PCDHGA4: variants seen among roughly 807,000 people sequenced by gnomAD.
The protein encoded by PCDHGA4 is protocadherin gamma subfamily A, 4, also known as protocadherin gamma-A4.
In PCDHGA4, 38 loss-of-function variants were observed where a neutral mutation model predicts 54.6. That is an observed-to-expected ratio of 0.70 (90% confidence interval 0.54 to 0.91). PCDHGA4 has a LOEUF of 0.91. PCDHGA4 is among the 40% of genes least tolerant of loss of function. PCDHGA4 has a pLI of 0.00. For missense variants in PCDHGA4, 1,298 were observed against 1,220.9 expected (o/e 1.06, Z -0.94); for synonymous variants, 511 against 512.9 (o/e 1.00, Z 0.05).
intron 1 of PCDHGA4, among the ~76,000 whole-genome samples, chr5:141,458,526 A>T (rs921943954): frequency 1.7e-4 from 26 of 151,492 alleles, no homozygotes; most frequent in African/African-American, 5.6e-4. Flanking sequence ...TTTTTTTTTA[A>T]CTTATCAACT....
At chr5:141,434,533 C>T (rs6862159) in intron 1 of PCDHGA4, among the ~76,000 whole-genome samples, 18,539 of 152,264 alleles carry the variant, frequency 0.12, 1,259 homozygotes, top group Non-Finnish European at 0.16. Flanking sequence ...AAACCACAAA[C>T]AATAGCATGA....
chr5:141,381,823 CTTCTTT>C (rs1777514301), intron 1 of PCDHGA4, among the ~76,000 whole-genome samples: 1 of 101,610 alleles, frequency 9.8e-6, no homozygotes, highest in African/African-American at 4.3e-5. Flanking sequence ...TTTCTTTCTT[CTTCTTT>C]TTTTTTTTTT....
chr5:141,357,498 T>G lies in PCDHGA4; in HGVS notation c.2391T>G (p.Ser797Arg). The G allele has an allele frequency of 6.2e-7, 1 of 1,614,020 alleles. No homozygotes were observed. The highest frequency in any genetic ancestry group is 1.1e-5 in the South Asian group (1 of 91,084). Reference protein sequence around the residue: ...EVSLTADSRKSHLIFSQPSYA... With the variant: ...EVSLTADSRKRHLIFSQPSYA... ...CCCTCACCGCGGACTCGCGGAAGAG[T>G]CACCTGATCTTCTCCCAACCCAGCT... Residue 797 changes from serine to arginine, a missense_variant, in exon 1 of 4, where the codon AGT (serine) becomes AGG (arginine). Coordinates refer to ENST00000571252, the MANE Select transcript of PCDHGA4 (RefSeq NM_018917.4).
rs776825429 is a variant in PCDHGA4 at position 141,375,161 on chromosome 5, G to C, written c.2514+17540G>C. On this transcript the variant is annotated intron_variant, in intron 1 of 3. Transcript: ENST00000571252. ...TGGAAGCAGAACAATTGCTGAAAGT[G>C]CACCTCCAGGAACAGTAATCGCCCT... 2.5e-6 allele frequency: 4 copies of C among 1,613,940 alleles called. No individual in the cohort carries two copies. In the Admixed American group the frequency reaches 6.7e-5, roughly 27 times the overall value.
At chr5:141,423,852 G>T (rs796757517) in intron 1 of PCDHGA4, 36 of 1,279,400 alleles carry the variant, frequency 2.8e-5, no homozygotes, top group Non-Finnish European at 3.5e-5. Context: ...CTTTCAGAAC[G>T]TTTTTGTGAA....
At chr5:141,496,021 G>A (rs1011612662) in intron 2 of PCDHGA4, among the ~76,000 whole-genome samples, 1 of 151,336 alleles carries the variant, frequency 6.6e-6, no homozygotes, top group Admixed American at 6.6e-5. Context: ...TTTTCTCTGA[G>A]CCTCTGTCTC....
In PCDHGA4 at chr5:141,405,262, C is replaced by A. The variant is rs1352663124; in HGVS notation, c.2514+47641C>A. ...ACTCAAGGAAGAGTCACCTGATCTT[C>A]CCCCAGCCCAACTATGCAGACACAC... On this transcript the variant is annotated intron_variant, in intron 1 of 3. Coordinates refer to ENST00000571252, the MANE Select transcript of PCDHGA4 (RefSeq NM_018917.4). The A allele has an allele frequency of 2.5e-6, 4 of 1,614,012 alleles. No individual in the cohort carries two copies. In the African/African-American group the frequency reaches 5.3e-5, roughly 22 times the overall value.
intron 1 of PCDHGA4, 156 bp downstream of exon 1, chr5:141,357,777 C>G: frequency 1.1e-6 from 1 of 905,134 alleles, no homozygotes; most frequent in Non-Finnish European, 1.6e-6. Context: ...CAATAATGAT[C>G]AACAGTATTT....
intron 1 of PCDHGA4, chr5:141,372,854 C>T: frequency 6.9e-7 from 1 of 1,458,390 alleles, no homozygotes; most frequent in Non-Finnish European, 9.2e-7. Flanking sequence ...AATTGGGTTT[C>T]AATTCATTGA....
chr5:141,408,660 C>A, intron 1 of PCDHGA4: 3 of 1,613,980 alleles, frequency 1.9e-6, no homozygotes, highest in Non-Finnish European at 1.7e-6. Flanking sequence ...ACACGACTAT[C>A]GCTTGACCCT....
chr5:141,389,293 C>T, intron 1 of PCDHGA4: 3 of 1,614,036 alleles, frequency 1.9e-6, no homozygotes, highest in Non-Finnish European at 2.5e-6. Context: ...GCCTCTATTT[C>T]ACAAGTCAGG....
At position 141,477,023 on chromosome 5, in the gene PCDHGA4, A is replaced by T. The variant is rs763926460; in HGVS notation, c.2515-17784A>T. ...ATTCGCCTTAGACCTTGTAACCGGG[A>T]TGCTGACAATCAAGGGTCGGCTGGA... is the stretch of plus-strand genomic sequence containing the variant. On this transcript the variant is annotated intron_variant, in intron 1 of 3. Transcript: ENST00000571252. The surrounding 1 kb of genome is among the most constrained non-coding windows in gnomAD (Gnocchi z 4.9). 6.2e-7 allele frequency: 1 copy of T among 1,614,240 alleles called. No homozygotes were observed. The highest frequency in any genetic ancestry group is 8.5e-7 in the Non-Finnish European group (1 of 1,180,040).
chr5:141,382,167 G>A (rs1003056701), intron 1 of PCDHGA4, among the ~76,000 whole-genome samples: 7 of 152,038 alleles, frequency 4.6e-5, no homozygotes, highest in African/African-American at 1.7e-4. Context: ...GAAGGTGTTA[G>A]ACCGTCTCTA....
chr5:141,489,312 G>A lies in PCDHGA4; in HGVS notation c.2515-5495G>A, dbSNP rs745541067. The A allele has an allele frequency of 2.5e-6, 4 of 1,594,972 alleles. No homozygotes were observed. The highest frequency in any genetic ancestry group is 2.6e-6 in the Non-Finnish European group (3 of 1,169,822). On this transcript the variant is annotated intron_variant, in intron 1 of 3. Transcript: ENST00000571252. This position sits in a 1 kb window ranked among gnomAD's most constrained non-coding sequence, Gnocchi z 4.5. ...TGTGCATGTTGTCCTTGTGCTGCTG[G>A]GGCTGGGTGTCTGGGCAGCTTCGTT...
At chr5:141,453,959 C>A (rs919037104) in intron 1 of PCDHGA4, among the ~76,000 whole-genome samples, 1 of 152,182 alleles carries the variant, frequency 6.6e-6, no homozygotes, top group African/African-American at 2.4e-5. Flanking sequence ...GCACAGACAG[C>A]AAAGCATGTA....
chr5:141,422,556 G>T, intron 1 of PCDHGA4: 1 of 1,613,908 alleles, frequency 6.2e-7, no homozygotes, highest in South Asian at 1.1e-5. Context: ...GGCTGAATGT[G>T]GCAGATGACA....
At chr5:141,499,966 G>A (rs1403177792) in intron 2 of PCDHGA4, among the ~76,000 whole-genome samples, 1 of 151,988 alleles carries the variant, frequency 6.6e-6, no homozygotes, top group African/African-American at 2.4e-5. Flanking sequence ...GGGATTACAG[G>A]TGTGAGCCAC....
chr5:141,365,321 G>A lies in PCDHGA4; in HGVS notation c.2514+7700G>A, dbSNP rs552296703. On this transcript the variant is annotated intron_variant, in intron 1 of 3. Coordinates refer to ENST00000571252, the MANE Select transcript of PCDHGA4 (RefSeq NM_018917.4). ...GGATGGAGGCGCTCTTGTTGCCAGC[G>A]CTAAGGTGGTGGTCACAGTACAGGA... 3.1e-6 allele frequency: 5 copies of A among 1,613,828 alleles called. No homozygotes were observed. In the South Asian group the frequency reaches 4.4e-5, roughly 14 times the overall value.
At chr5:141,408,202 G>C (rs778320550) in intron 1 of PCDHGA4, 8 of 1,549,950 alleles carry the variant, frequency 5.2e-6, no homozygotes, top group South Asian at 3.6e-5. Context: ...CCGAGCGAAC[G>C]ATGGGAGGGA....
Sources: allele counts gnomAD v4.1 joint callset (sites outside exome capture counted in the v4.1 genomes callset), GRCh38; gene constraint gnomAD v4.1.1; non-coding constraint Gnocchi (gnomAD v3.1); transcripts MANE v1.5; gene names NCBI Gene and HGNC (gene_info 2026-07-23, HGNC 2026-07-21).